DPPA2: variants seen among roughly 807,000 people sequenced by gnomAD.
DPPA2 encodes developmental pluripotency associated 2, also known as developmental pluripotency-associated protein 2.
In DPPA2, 26 loss-of-function variants were observed where a neutral mutation model predicts 36.2. The observed-to-expected ratio is 0.72, with a 90% CI of 0.53 to 1.00. The LOEUF is 1.00. Among genes scored for constraint, DPPA2 ranks in the 50% least tolerant of loss-of-function variants. DPPA2 has a pLI of 0.00. For synonymous variants in DPPA2, 113 were observed against 123.2 expected, an observed-to-expected ratio of 0.92 and a Z score of 0.55; for missense variants, 361 against 365.1, an observed-to-expected ratio of 0.99 and a Z score of 0.09.
At chr3:109,305,578 C>T (rs1707543691) in intron 6 of DPPA2, among the ~76,000 whole-genome samples, 2 of 151,974 alleles carry the variant, frequency 1.3e-5, no homozygotes, top group Non-Finnish European at 2.9e-5. Context: ...AGTTCGAGAC[C>T]AGCCTGACCA....
chr3:109,311,318 TTC>T (rs1219852122), intron 3 of DPPA2, among the ~76,000 whole-genome samples: 1 of 152,170 alleles, frequency 6.6e-6, no homozygotes, highest in African/African-American at 2.4e-5. Flanking sequence ...GTCCACATCA[TTC>T]TGTCAGCCTG....
At chr3:109,296,743 T>C (rs57137880) in intron 8 of DPPA2, among the ~76,000 whole-genome samples, 13,295 of 151,510 alleles carry the variant, frequency 0.088, 1,293 homozygotes, top group African/African-American at 0.24. Context: ...ATATATCTGA[T>C]AGAGGACTGT....
At chr3:109,302,844 C>T (rs1300808884) in intron 7 of DPPA2, among the ~76,000 whole-genome samples, 1 of 150,762 alleles carries the variant, frequency 6.6e-6, no homozygotes, top group Non-Finnish European at 1.5e-5. Flanking sequence ...GAAATTTTTA[C>T]TCATGGATGG....
At chr3:109,296,611 GT>G (rs2107299072) in intron 8 of DPPA2, among the ~76,000 whole-genome samples, 1 of 152,136 alleles carries the variant, frequency 6.6e-6, no homozygotes, top group South Asian at 2.1e-4. Flanking sequence ...GGAGGTGGAG[GT>G]TGCAGAGAGC....
chr3:109,315,616 C>A (rs150432794), intron 1 of DPPA2, among the ~76,000 whole-genome samples: 4 of 152,268 alleles, frequency 2.6e-5, no homozygotes, highest in Middle Eastern at 3.4e-3. Context: ...ACTGGACAAC[C>A]AAGTACCTTT....
chr3:109,302,254 C>G (rs952919267), intron 7 of DPPA2, among the ~76,000 whole-genome samples: 1 of 152,152 alleles, frequency 6.6e-6, no homozygotes, highest in Non-Finnish European at 1.5e-5. Context: ...GAACTTGTCC[C>G]AAACACCATA....
rs370136127 is a variant in DPPA2, at chr3:109,308,071, T to A, written c.619A>T (p.Ile207Phe). ...AAAAAGGCCTCAACAGAAACAGGAA[T>A]GGAACATGAATTCAAAGCCTTAGGC... ...VQPKALNSCS[I>F]PVSVEAFLMQ... The change falls in exon 6 of 9, where the codon ATT (isoleucine) becomes TTT (phenylalanine). Residue 207 changes from isoleucine (I) to phenylalanine (F), a missense_variant. Transcript: ENST00000478945. The A allele has an allele frequency of 1.2e-6, 2 of 1,614,224 alleles. No individual in the cohort carries two copies. The highest frequency in any genetic ancestry group is 2.2e-5 in the South Asian group (2 of 91,082).
intron 8 of DPPA2, among the ~76,000 whole-genome samples, chr3:109,298,661 A>G (rs1252894105): frequency 6.6e-6 from 1 of 150,582 alleles, no homozygotes; most frequent in Non-Finnish European, 1.5e-5. Flanking sequence ...GGTTCCAGTG[A>G]GCTGAGATCG....
At chr3:109,304,073 C>A (rs1312550854) in intron 7 of DPPA2, among the ~76,000 whole-genome samples, 1 of 152,018 alleles carries the variant, frequency 6.6e-6, no homozygotes. Context: ...AGTTTGAAAC[C>A]AGCCTGACCA....
At chr3:109,305,268 C>G (rs1302748742) in intron 6 of DPPA2, among the ~76,000 whole-genome samples, 1 of 152,156 alleles carries the variant, frequency 6.6e-6, no homozygotes, top group African/African-American at 2.4e-5. Context: ...AATACATTTA[C>G]TCTTAAGTAC....
At chr3:109,311,785 C>T (rs1707714289) in intron 3 of DPPA2, among the ~76,000 whole-genome samples, 1 of 151,898 alleles carries the variant, frequency 6.6e-6, no homozygotes, top group African/African-American at 2.4e-5. Flanking sequence ...TTATTTGATG[C>T]TTTTATAGGA....
intron 2 of DPPA2, among the ~76,000 whole-genome samples, chr3:109,314,168 T>G (rs935971676): frequency 3.6e-4 from 55 of 152,166 alleles, no homozygotes; most frequent in Admixed American, 2.5e-3. Flanking sequence ...TTAATTATCT[T>G]TTCTCTAATA....
In DPPA2 at chr3:109,309,230, C is replaced by T. The variant is rs775395763; in HGVS notation, c.282G>A (p.Lys94=). The change falls in exon 4 of 9, where the codon AAG becomes AAA. Residue 94 remains lysine, a synonymous_variant. Coordinates refer to ENST00000478945, the MANE Select transcript of DPPA2 (RefSeq NM_138815.4). The part of the protein sequence containing the change: ...PLPTILPPIN[K]VCRDTLRDWC... ...AGTCCCGCAAAGTGTCCCGACACAC[C>T]TTATTAATGGGAGGCAAAATGGTCG... 2 of 1,614,116 alleles carry T rather than the reference C, an allele frequency of 1.2e-6. No individual in the cohort carries two copies. The highest frequency in any genetic ancestry group is 1.1e-5 in the South Asian group (1 of 91,072).
chr3:109,306,790 A>C (rs1478950143), intron 6 of DPPA2, among the ~76,000 whole-genome samples: 2 of 151,042 alleles, frequency 1.3e-5, no homozygotes, highest in Admixed American at 1.3e-4. Context: ...ACATGGAGAA[A>C]TCTCGCCTCT....
intron 7 of DPPA2, among the ~76,000 whole-genome samples, chr3:109,303,461 C>T (rs370333714): frequency 6.6e-6 from 1 of 151,784 alleles, no homozygotes; most frequent in East Asian, 1.9e-4. Flanking sequence ...ACCTCTGCCT[C>T]CCGGGTTCAG....
intron 7 of DPPA2, among the ~76,000 whole-genome samples, chr3:109,302,490 G>A (rs1707472967): frequency 6.6e-6 from 1 of 151,966 alleles, no homozygotes; most frequent in Admixed American, 6.6e-5. Flanking sequence ...TTTCGCTCCT[G>A]TTGCCCAAGC....
At chr3:109,303,999 C>T (rs1302620929) in intron 7 of DPPA2, among the ~76,000 whole-genome samples, 2 of 151,804 alleles carry the variant, frequency 1.3e-5, no homozygotes, top group African/African-American at 2.4e-5. Flanking sequence ...TAGCCGGGCA[C>T]GGTGGCTCAC....
chr3:109,313,291 A>G (rs1443537601), intron 2 of DPPA2, among the ~76,000 whole-genome samples: 2 of 152,192 alleles, frequency 1.3e-5, no homozygotes, highest in Non-Finnish European at 2.9e-5. Context: ...CTGCCTCTCC[A>G]GCTCATGACC....
intron 8 of DPPA2, among the ~76,000 whole-genome samples, chr3:109,298,888 TA>T (rs1233960501): frequency 6.6e-6 from 1 of 150,918 alleles, no homozygotes; most frequent in Non-Finnish European, 1.5e-5. Flanking sequence ...TACCAAAAAT[TA>T]AAAAAAATTA....
Sources: gnomAD v4.1 joint callset for allele counts (sites outside exome capture counted in the v4.1 genomes callset) on GRCh38, gnomAD v4.1.1 for gene constraint, MANE v1.5 for transcripts, NCBI Gene and HGNC (gene_info 2026-07-23, HGNC 2026-07-21) for gene names.